Variants in CD163L1 observed in about 807,000 individuals in gnomAD.
CD163L1 encodes CD163 molecule like 1.
Under a neutral mutation model 165.4 loss-of-function variants are expected in CD163L1, and 124 were observed. The ratio of observed to expected loss-of-function variants is 0.75; its 90% CI spans 0.65 to 0.87. The LOEUF (loss-of-function observed/expected upper bound fraction) is 0.87. Among genes scored for constraint, CD163L1 ranks in the 40% least tolerant of loss-of-function variants. The probability of loss-of-function intolerance (pLI) is 0.00; values close to 1 mark genes in which losing one functional copy is unlikely to be tolerated. For missense variants in CD163L1, 1,525 were observed against 1,799.9 expected (o/e 0.85, Z 2.76); for synonymous variants, 585 against 662.2 (o/e 0.88, Z 1.79).
At chr12:7,389,800 C>T (rs1310705783) in intron 8 of CD163L1, among the ~76,000 whole-genome samples, 1 of 151,292 alleles carries the variant, frequency 6.6e-6, no homozygotes, top group African/African-American at 2.4e-5. Flanking sequence ...CTAGCATGTA[C>T]CCACAGACAT....
At chr12:7,428,363 A>G (rs1280488147) in intron 4 of CD163L1, among the ~76,000 whole-genome samples, 1 of 152,080 alleles carries the variant, frequency 6.6e-6, no homozygotes, top group African/African-American at 2.4e-5. Context: ...ATGTATTCAT[A>G]TCGTTTGCCC....
At chr12:7,428,168 T>C (rs988484403) in intron 4 of CD163L1, among the ~76,000 whole-genome samples, 1 of 152,040 alleles carries the variant, frequency 6.6e-6, no homozygotes, top group Admixed American at 6.6e-5. Flanking sequence ...GCTGTTTTGA[T>C]TGCCAAGATA....
At chr12:7,385,834 A>G (rs751964428) in intron 8 of CD163L1, among the ~76,000 whole-genome samples, 5 of 152,042 alleles carry the variant, frequency 3.3e-5, no homozygotes, top group Non-Finnish European at 4.4e-5. Flanking sequence ...CAACATACCA[A>G]AGCCTATGGG....
Position 7,403,671 on chromosome 12 carries a change from A to G in CD163L1, c.1272T>C (p.Pro424=). The change falls in exon 6 of 20, where the codon CCT becomes CCC. Residue 424 remains proline (P), a synonymous_variant. Coordinates refer to ENST00000313599, the MANE Select transcript of CD163L1 (RefSeq NM_174941.6). ...TCCAAATGTCTCTAGCTTCATTACT[A>G]GGTTTAGCACGACGACTGCCAAAGA... ...FSVFGSRRAK[P]SNEARDIWIN... is the part of the protein sequence containing the mutation. 1 of 1,614,098 alleles carries G rather than the reference A, an allele frequency of 6.2e-7. No individual in the cohort carries two copies. Among genetic ancestry groups the G allele is most frequent in the African/African-American group, 1.3e-5 (1 of 75,062 alleles).
At chr12:7,379,923 A>G (rs1413761145) in intron 8 of CD163L1, among the ~76,000 whole-genome samples, 1 of 151,976 alleles carries the variant, frequency 6.6e-6, no homozygotes, top group Non-Finnish European at 1.5e-5. Flanking sequence ...GAAAATGCAA[A>G]TCAAAACCAC....
rs147422665 is a variant in CD163L1, at chr12:7,427,573, G to A, written c.766+4843C>T. ...ATATTCTTATGGCCTTGATGGTGGC[G>A]ATGGGCTCATGGGTTTACAGTTTTT... On this transcript the variant is annotated intron_variant, in intron 4 of 19. Transcript: ENST00000313599. 2.9e-3 allele frequency among the ~76,000 whole-genome samples: 437 copies of A among 152,108 alleles called. 3 individuals are homozygous for A. Among genetic ancestry groups the A allele is most frequent in the African/African-American group, 9.3e-3 (386 of 41,532 alleles).
At chr12:7,330,464 A>C in the CD163L1 span, among the ~76,000 whole-genome samples, 3 of 152,188 alleles carry the variant, frequency 2.0e-5, no homozygotes, top group Non-Finnish European at 4.4e-5. Context: ...ACAGTCCTTG[A>C]AAAAGCTTTC....
Position 7,369,417 on chromosome 12 carries a change from C to T in CD163L1, c.3979G>A (p.Ala1327Thr), listed in dbSNP as rs113454788. The change falls in exon 15 of 20, where the codon GCC (alanine) becomes ACC (threonine). Residue 1327 changes from alanine to threonine, a missense_variant. Transcript: ENST00000313599. The surrounding 1 kb of genome is among the most constrained non-coding windows in gnomAD (Gnocchi z 4.9). ...CAGTCACTCTGTCCCCAGGGTTTGG[C>T]GTGACAGTCCCATAGAAATGACTCA... ...GNESFLWDCH[A>T]KPWGQSDCGH... The T allele has an allele frequency of 5.1e-5, 82 of 1,614,148 alleles. No homozygotes were observed. In the African/African-American group the frequency reaches 7.7e-4, roughly 15 times the overall value.
intron 2 of CD163L1, chr12:7,439,634 T>G (rs892337227): frequency 3.1e-6 from 5 of 1,611,354 alleles, no homozygotes; most frequent in African/African-American, 1.3e-5. Flanking sequence ...ATATCCTTCC[T>G]GACTGCTTTG....
In CD163L1 at chr12:7,421,577, GTAC is replaced by G. The variant is rs1172562558; in HGVS notation, c.766+10836_766+10838del. The stretch of plus-strand genomic sequence containing the variant: ...TATACATATATGTACATATATACAT[GTAC>G]ATATATACATATACATATATGTACA... On this transcript the variant is annotated intron_variant, in intron 4 of 19. Coordinates refer to ENST00000313599, the MANE Select transcript of CD163L1 (RefSeq NM_174941.6). 1.2e-4 allele frequency among the ~76,000 whole-genome samples: 11 copies of G among 95,278 alleles called. 1 individual carries two copies. The highest frequency in any genetic ancestry group is 1.9e-4 in the Non-Finnish European group (10 of 51,860). 62.5% of individuals were successfully genotyped at this position (95,278 alleles called of 152,430 possible).
intron 19 of CD163L1, among the ~76,000 whole-genome samples, chr12:7,356,521 C>G (rs904850444): frequency 6.6e-5 from 10 of 152,074 alleles, no homozygotes; most frequent in Admixed American, 6.6e-4. Context: ...TATGACTTAT[C>G]TTTGCTCCCT....
At chr12:7,319,328 G>A in the CD163L1 span, among the ~76,000 whole-genome samples, 2 of 152,178 alleles carry the variant, frequency 1.3e-5, no homozygotes, top group East Asian at 3.9e-4. Context: ...TACAGATAAA[G>A]CAGGCATAAT....
chr12:7,324,155 C>CAA, the CD163L1 span: 1,786 of 997,302 alleles, frequency 1.8e-3, no homozygotes, highest in Non-Finnish European at 2.0e-3. Context: ...GACTCTGTCT[C>CAA]AAAAAAAAAA....
At chr12:7,392,887 C>G (rs1446719806) in intron 8 of CD163L1, among the ~76,000 whole-genome samples, 2 of 152,146 alleles carry the variant, frequency 1.3e-5, no homozygotes, top group African/African-American at 2.4e-5. Context: ...AGTTGAATCT[C>G]TGAATAGACC....
chr12:7,329,688 A>T, the CD163L1 span, among the ~76,000 whole-genome samples: 3 of 152,078 alleles, frequency 2.0e-5, no homozygotes, highest in Non-Finnish European at 4.4e-5. Context: ...CTCAATTCTT[A>T]CCCTGGAATC....
chr12:7,411,246 A>T (rs1420015009), intron 4 of CD163L1, among the ~76,000 whole-genome samples: 2 of 152,196 alleles, frequency 1.3e-5, no homozygotes, highest in Non-Finnish European at 2.9e-5. Context: ...ATTATGAAAA[A>T]TTTGAACATA....
In CD163L1 at chr12:7,433,449, G is replaced by C. The variant is rs780539397; in HGVS notation, c.370C>G (p.Leu124Val). ...CATTCCCGGTGTTGACATTCCCAGA[G>C]AGCTGACTCATTTCCATAACAGGAA... is the stretch of plus-strand genomic sequence containing the variant. Reference protein sequence around the residue: ...DVSCYGNESALWECQHREWGS... With the variant: ...DVSCYGNESAVWECQHREWGS... The change falls in exon 3 of 20, where the codon CTC (leucine) becomes GTC (valine). Residue 124 changes from leucine to valine, a missense_variant. Coordinates refer to ENST00000313599, the MANE Select transcript of CD163L1 (RefSeq NM_174941.6). 21 of 1,613,770 alleles carry C rather than the reference G, an allele frequency of 1.3e-5. No homozygotes were observed. In the South Asian group the frequency reaches 2.3e-4, roughly 18 times the overall value.
the CD163L1 span, among the ~76,000 whole-genome samples, chr12:7,336,488 T>A: frequency 2.6e-5 from 4 of 151,974 alleles, no homozygotes; most frequent in African/African-American, 9.7e-5. Flanking sequence ...AAGGGGAACA[T>A]CACACACTGG....
chr12:7,332,374 G>A, the CD163L1 span, among the ~76,000 whole-genome samples: 1 of 151,300 alleles, frequency 6.6e-6, no homozygotes. Context: ...ATATTATCCA[G>A]GAGAACTTCC....
Sources: gnomAD v4.1 joint callset for allele counts (sites outside exome capture counted in the v4.1 genomes callset) on GRCh38, gnomAD v4.1.1 for gene constraint, Gnocchi (gnomAD v3.1) non-coding constraint, MANE v1.5 for transcripts, NCBI Gene and HGNC (gene_info 2026-07-23, HGNC 2026-07-21) for gene names.